Variants in SFTPD observed in about 807,000 individuals in gnomAD.
SFTPD encodes the protein surfactant protein D.
Under a neutral mutation model 34.6 loss-of-function variants are expected in SFTPD, and 18 were observed. That is an observed-to-expected ratio of 0.52 (90% CI 0.36 to 0.77). SFTPD has a LOEUF of 0.77. Among genes scored for constraint, SFTPD ranks in the 30% least tolerant of loss-of-function variants. SFTPD has a pLI of 0.00. For missense variants in SFTPD, 433 were observed against 468.9 expected (o/e 0.92, Z 0.71); for synonymous variants, 155 against 180.9 (o/e 0.86, Z 1.15).
chr10:79,981,513 C>A (rs1842889697), intron 1 of SFTPD, among the ~76,000 whole-genome samples: 1 of 152,180 alleles, frequency 6.6e-6, no homozygotes, highest in Non-Finnish European at 1.5e-5. Flanking sequence ...CCCGCCTGGG[C>A]ACCCCGACCT....
upstream of SFTPD, chr10:79,950,579 G>A (rs1842703873): frequency 6.6e-6 from 1 of 152,202 alleles, no homozygotes. Context: ...TTCCTGTATA[G>A]ATTAGACATT....
At chr10:79,958,230 A>G (rs1842751539) in intron 1 of SFTPD, among the ~76,000 whole-genome samples, 1 of 152,236 alleles carries the variant, frequency 6.6e-6, no homozygotes, top group South Asian at 2.1e-4. Flanking sequence ...GGCTAGGAAG[A>G]AACTGCATCA....
chr10:79,944,908 ACT>A (rs1203708055), intron 2 of SFTPD, among the ~76,000 whole-genome samples: 1 of 151,734 alleles, frequency 6.6e-6, no homozygotes, highest in Non-Finnish European at 1.5e-5. Flanking sequence ...CATGCTTCCA[ACT>A]CTGCAGGGGT....
At chr10:79,946,388 C>T in intron 2 of SFTPD, 73 bp downstream of exon 2, 1 of 1,141,084 alleles carries the variant, frequency 8.8e-7, no homozygotes, top group Non-Finnish European at 1.3e-6. Flanking sequence ...ACAAAGTACC[C>T]AGAGTTGCTG....
At chr10:79,967,792 C>G (rs1281516895) in intron 1 of SFTPD, among the ~76,000 whole-genome samples, 1 of 152,038 alleles carries the variant, frequency 6.6e-6, no homozygotes, top group African/African-American at 2.4e-5. Flanking sequence ...ATGGCCTGTT[C>G]CTGCCTTAAC....
chr10:79,973,879 T>G (rs1416128561), intron 1 of SFTPD, among the ~76,000 whole-genome samples: 1 of 152,034 alleles, frequency 6.6e-6, no homozygotes, highest in Non-Finnish European at 1.5e-5. Context: ...TGCCAAAGGG[T>G]TTCTTTGGTT....
chr10:79,980,605 G>T (rs1459227067), intron 1 of SFTPD, among the ~76,000 whole-genome samples: 1 of 152,188 alleles, frequency 6.6e-6, no homozygotes, highest in Non-Finnish European at 1.5e-5. Flanking sequence ...CTCAACTCCA[G>T]GCACCTCAGC....
intron 1 of SFTPD, among the ~76,000 whole-genome samples, chr10:79,973,650 G>A (rs917045230): frequency 6.8e-6 from 1 of 146,626 alleles, no homozygotes; most frequent in East Asian, 2.0e-4. Flanking sequence ...CTTAGAAAAC[G>A]AAATGTTAAT....
At position 79,975,445 on chromosome 10, in the gene SFTPD, C is replaced by A. The variant is rs1051575897; in HGVS notation, c.36+7130G>T. Among the ~76,000 whole-genome samples the A allele has an allele frequency of 2.4e-4, 36 of 152,306 alleles. 1 individual carries two copies. Among genetic ancestry groups the A allele is most frequent in the African/African-American group, 8.7e-4 (36 of 41,546 alleles). ...CCATTGTTACCCTGATGCTTCCAAGCTCCCCTTCTTACTCACCACGGGGAT... is the reference window on the plus strand; with the variant it reads ...CCATTGTTACCCTGATGCTTCCAAGATCCCCTTCTTACTCACCACGGGGAT... On this transcript the variant is annotated intron_variant, in intron 1 of 5. Transcript: ENST00000444384.
intron 1 of SFTPD, chr10:79,982,105 G>A (rs989460817): frequency 3.3e-6 from 1 of 306,170 alleles, no homozygotes; most frequent in Non-Finnish European, 5.9e-6. Flanking sequence ...CTGCCCTCTA[G>A]CTCCCGCGCT....
chr10:79,946,769 T>C, intron 1 of SFTPD, 107 bp from the exon 2 acceptor site: 3 of 987,436 alleles, frequency 3.0e-6, no homozygotes, highest in Non-Finnish European at 4.6e-6. Flanking sequence ...TCCCTCCTTC[T>C]GTCCTCTGCT....
intron 1 of SFTPD, chr10:79,981,908 G>T (rs1842892950): frequency 1.7e-5 from 5 of 289,442 alleles, no homozygotes; most frequent in South Asian, 1.5e-4. Context: ...GCTAGAGCCA[G>T]CGAGGTGTGC....
upstream of SFTPD, among the ~76,000 whole-genome samples, chr10:79,953,422 G>GTTTTTTTT (rs3084853): frequency 6.9e-6 from 1 of 144,416 alleles, no homozygotes; most frequent in Non-Finnish European, 1.5e-5. Context: ...TGACAGGTGG[G>GTTTTTTTT]TTTTTTTTTT....
intron 1 of SFTPD, among the ~76,000 whole-genome samples, chr10:79,965,539 C>CT (rs149878455): frequency 0.41 from 46,249 of 113,332 alleles, 10,028 homozygotes; most frequent in East Asian, 0.5. Context: ...TTTTATTTTT[C>CT]TTTTTTTTTT....
At position 79,942,753 on chromosome 10, in the gene SFTPD, A is replaced by C; in HGVS notation, c.316+10T>G. The C allele has an allele frequency of 6.5e-7, 1 of 1,546,918 alleles. No homozygotes were observed. The highest frequency in any genetic ancestry group is 8.9e-7 in the Non-Finnish European group (1 of 1,118,786). On this transcript the variant is annotated intron_variant, in intron 3 of 7. Coordinates refer to ENST00000372292, the MANE Select transcript of SFTPD (RefSeq NM_003019.5). ...CTGGAAACACCTGAAGTCGACACCCAGTTGCTCACCACTTGGCCCAGTGTC... is the reference window on the plus strand; with the variant it reads ...CTGGAAACACCTGAAGTCGACACCCCGTTGCTCACCACTTGGCCCAGTGTC...
intron 1 of SFTPD, chr10:79,982,275 C>A: frequency 1.0e-6 from 1 of 986,774 alleles, no homozygotes; most frequent in Non-Finnish European, 1.3e-6. Flanking sequence ...GGCGCTCGGG[C>A]CACCGCGGGG....
chr10:79,961,705 A>T (rs1198898057), intron 1 of SFTPD, among the ~76,000 whole-genome samples: 2 of 152,220 alleles, frequency 1.3e-5, no homozygotes, highest in African/African-American at 4.8e-5. Flanking sequence ...GGGACTGTAA[A>T]CTTGTTCAAC....
At chr10:79,947,892 G>T (rs944564051) in intron 1 of SFTPD, among the ~76,000 whole-genome samples, 8 of 152,198 alleles carry the variant, frequency 5.3e-5, no homozygotes, top group Admixed American at 2.0e-4. Context: ...ATGAGAAACC[G>T]TAAAGTTATG....
At chr10:79,974,719 A>G (rs1842855177) in intron 1 of SFTPD, among the ~76,000 whole-genome samples, 1 of 152,194 alleles carries the variant, frequency 6.6e-6, no homozygotes, top group Admixed American at 6.5e-5. Flanking sequence ...TCTTGTTTGT[A>G]TATATACAGA....
Sources: gnomAD v4.1 joint callset for allele counts (sites outside exome capture counted in the v4.1 genomes callset) on GRCh38, gnomAD v4.1.1 for gene constraint, MANE v1.5 for transcripts, NCBI Gene and HGNC (gene_info 2026-07-23, HGNC 2026-07-21) for gene names.